RSPRY1: variants seen among roughly 807,000 people sequenced by gnomAD.
RSPRY1 encodes RING finger and SPRY domain-containing protein 1.
A neutral mutation model predicts 73.1 loss-of-function variants in RSPRY1; 23 were observed. The ratio of observed to expected loss-of-function variants is 0.31; its 90% CI spans 0.23 to 0.45. The LOEUF (loss-of-function observed/expected upper bound fraction) is 0.45. Among genes scored for constraint, RSPRY1 ranks in the 20% least tolerant of loss-of-function variants. The pLI is 1.00. For synonymous variants in RSPRY1, 226 were observed against 251.4 expected, an observed-to-expected ratio of 0.90 and a Z score of 0.95; for missense variants, 448 against 698.7, an observed-to-expected ratio of 0.64 and a Z score of 4.05.
chr16:57,210,834 T>G (rs1490108839), intron 4 of RSPRY1, among the ~76,000 whole-genome samples: 2 of 151,364 alleles, frequency 1.3e-5, no homozygotes, highest in Non-Finnish European at 1.5e-5. Flanking sequence ...CCTGGCAACA[T>G]GGTGAAACCC....
intron 11 of RSPRY1, 28 bp from the exon 12 acceptor site, chr16:57,230,683 C>A: frequency 8.0e-7 from 1 of 1,255,774 alleles, no homozygotes; most frequent in Non-Finnish European, 1.2e-6. Flanking sequence ...ACATCATTAT[C>A]CTAACAGTGT....
chr16:57,217,141 T>A, intron 8 of RSPRY1, 106 bp downstream of exon 8: 1 of 1,240,048 alleles, frequency 8.1e-7, no homozygotes, highest in Non-Finnish European at 1.2e-6. Context: ...TGAGTCCTCA[T>A]AAGGACCTCT....
intron 10 of RSPRY1, among the ~76,000 whole-genome samples, chr16:57,222,136 G>C (rs764405547): frequency 1.2e-4 from 18 of 151,260 alleles, no homozygotes; most frequent in Non-Finnish European, 2.4e-4. Context: ...AAGCCCCTTG[G>C]ATTATTTTGT....
rs1295570636 is a variant in RSPRY1, at chr16:57,205,038, TG to T, written c.350+32del. The T allele has an allele frequency of 1.0e-5, 16 of 1,545,532 alleles. No homozygotes were observed. The East Asian group carries it at 3.6e-4, about 35-fold the overall frequency. ...GTATCTGACTCACGGTCACCTCCAG[TG>T]GAATGAAAAGTGTTCTGCCCGGAAC... is the stretch of plus-strand genomic sequence containing the variant. On this transcript the variant is annotated intron_variant, in intron 2 of 14. Transcript: ENST00000394420.
At chr16:57,206,098 G>C (rs774522246) in intron 2 of RSPRY1, among the ~76,000 whole-genome samples, 1 of 152,162 alleles carries the variant, frequency 6.6e-6, no homozygotes, top group East Asian at 1.9e-4. Context: ...GCATTTGTTA[G>C]TCTTCGAGAA....
Position 57,204,516 on chromosome 16 carries a change from A to T in RSPRY1, c.-143A>T. ...CATTTTCTTTTAGAACTGCCATTGG[A>T]TGTCCAGAATCCCCTGTAGTTGATA... On this transcript the variant is annotated 5_prime_UTR_variant, in exon 2 of 15. It removes an upstream start codon present in the reference 5' UTR. Transcript: ENST00000394420. The T allele has an allele frequency of 5.7e-6, 4 of 703,358 alleles. No individual in the cohort carries two copies. The highest frequency in any genetic ancestry group is 9.7e-6 in the Non-Finnish European group (4 of 411,576). 43.6% of individuals were successfully genotyped at this position (703,358 alleles called of 1,614,324 possible).
chr16:57,195,079 T>C (rs1467081805), intron 1 of RSPRY1, among the ~76,000 whole-genome samples: 1 of 151,996 alleles, frequency 6.6e-6, no homozygotes, highest in Non-Finnish European at 1.5e-5. Context: ...ATAAATAATA[T>C]AGAAATGGAG....
rs2075029268 is a variant in RSPRY1, at chr16:57,221,220, TGGTGGTCTTCAG to T, written c.1018-50_1018-39del. On this transcript the variant is annotated intron_variant, in intron 9 of 14. Coordinates refer to ENST00000394420, the MANE Select transcript of RSPRY1 (RefSeq NM_133368.3). ...AACCTTCCCAGTAGTCAGTTATCTT[TGGTGGTCTTCAG>T]GCCCTCATAGTTGATTGACACATTT... 2.5e-6 allele frequency: 4 copies of T among 1,599,362 alleles called. No individual in the cohort carries two copies. In the Admixed American group the frequency reaches 5.2e-5, roughly 21 times the overall value.
At chr16:57,218,111 T>A (rs2074970283) in intron 8 of RSPRY1, among the ~76,000 whole-genome samples, 1 of 151,850 alleles carries the variant, frequency 6.6e-6, no homozygotes, top group Admixed American at 6.6e-5. Flanking sequence ...CTAACTTATT[T>A]GTTTGTTTAT....
Position 57,230,754 on chromosome 16 carries a change from G to A in RSPRY1, c.1317G>A (p.Met439Ile). ...GFLLDLNEKQ[M>I]IFFLNGNQLP... ...TGTTAGACTTGAATGAAAAGCAAAT[G>A]ATCTTCTTTTTAAATGGCAACCAGC... The change falls in exon 12 of 15, where the codon ATG becomes ATA. Residue 439 changes from methionine to isoleucine, a missense_variant. Transcript: ENST00000394420. The A allele has an allele frequency of 1.9e-6, 3 of 1,611,636 alleles. No homozygotes were observed. Among genetic ancestry groups the A allele is most frequent in the Non-Finnish European group, 2.5e-6 (3 of 1,178,572 alleles).
At chr16:57,189,394 G>A (rs2074311066) in intron 1 of RSPRY1, among the ~76,000 whole-genome samples, 1 of 151,612 alleles carries the variant, frequency 6.6e-6, no homozygotes, top group Non-Finnish European at 1.5e-5. Context: ...CATTTAGTAA[G>A]TATCAAAGGG....
Position 57,204,664 on chromosome 16 carries a change from C to T in RSPRY1, c.6C>T (p.Ile2=), listed in dbSNP as rs771324075. The T allele has an allele frequency of 3.3e-5, 53 of 1,612,748 alleles. No homozygotes were observed. The highest frequency in any genetic ancestry group is 4.1e-5 in the Non-Finnish European group (48 of 1,179,126). ...GAAAACTGAAAACTACCTAAATGAT[C>T]GTCTTTGGTTGGGCCGTGTTCTTAG... M[I]VFGWAVFLAS... Residue 2 remains isoleucine, a synonymous_variant, in exon 2 of 15, where the codon ATC becomes ATT. Coordinates refer to ENST00000394420, the MANE Select transcript of RSPRY1 (RefSeq NM_133368.3).
chr16:57,187,222 C>G (rs778422883), intron 1 of RSPRY1, among the ~76,000 whole-genome samples: 7 of 152,110 alleles, frequency 4.6e-5, no homozygotes, highest in Non-Finnish European at 1.0e-4. Context: ...GCTTATTGCC[C>G]GAGTGGGGTG....
chr16:57,239,163 C>G lies in RSPRY1; in HGVS notation c.*188C>G, dbSNP rs187302599. 747 of 346,288 alleles carry G rather than the reference C, an allele frequency of 2.2e-3. 3 individuals carry two copies. The highest frequency in any genetic ancestry group is 3.2e-3 in the Non-Finnish European group (599 of 190,154). 21.5% of individuals were successfully genotyped at this position (346,288 alleles called of 1,614,324 possible). On this transcript the variant is annotated 3_prime_UTR_variant, in exon 15 of 15. Transcript: ENST00000394420. The stretch of plus-strand genomic sequence containing the variant: ...TTAGAATCTAATCCAACTTGCCAGC[C>G]CTGAGAAAATCCCTTTTAAGGCCAA...
At position 57,220,790 on chromosome 16, in the gene RSPRY1, C is replaced by T. The variant is rs763021842; in HGVS notation, c.960C>T (p.Ala320=). ...YEKVNLSSIR[A]MLNSNDVSEY... is the part of the protein sequence containing the mutation. ...AAGTGAACTTGAGTAGCATTAGGGC[C>T]ATGCTGAATAGCAATGATGTCAGCG... Residue 320 remains alanine, a synonymous_variant, in exon 9 of 15, where the codon GCC becomes GCT. Coordinates refer to ENST00000394420, the MANE Select transcript of RSPRY1 (RefSeq NM_133368.3). 8.1e-6 allele frequency: 13 copies of T among 1,613,852 alleles called. No individual in the cohort carries two copies. In the African/African-American group the frequency reaches 1.7e-4, roughly 22 times the overall value.
chr16:57,204,679 C>T lies in RSPRY1; in HGVS notation c.21C>T (p.Ala7=), dbSNP rs540967927. 248 of 1,614,036 alleles carry T rather than the reference C, an allele frequency of 1.5e-4. No homozygotes were observed. The South Asian group carries it at 2.3e-3, about 15-fold the overall frequency. ...CCTAAATGATCGTCTTTGGTTGGGC[C>T]GTGTTCTTAGCGAGCAGAAGCCTTG... is the stretch of plus-strand genomic sequence containing the variant. The part of the protein sequence containing the change: MIVFGW[A]VFLASRSLGQ... The change falls in exon 2 of 15, where the codon GCC becomes GCT. Residue 7 remains alanine (A), a synonymous_variant. Coordinates refer to ENST00000394420, the MANE Select transcript of RSPRY1 (RefSeq NM_133368.3).
Position 57,221,275 on chromosome 16 carries a change from C to T in RSPRY1, c.1021C>T (p.Arg341Cys), listed in dbSNP as rs2075030966. 2 of 1,613,700 alleles carry T rather than the reference C, an allele frequency of 1.2e-6. No homozygotes were observed. Among genetic ancestry groups the T allele is most frequent in the South Asian group, 1.1e-5 (1 of 91,030 alleles). ...LKISPHGLEARCDASSFESVR... is the reference protein window; with the variant it reads ...LKISPHGLEACCDASSFESVR... Reference sequence around the variant, plus strand: ...ACACATTTTTTGGTTTTGCCAGGCTCGCTGTGATGCCTCCTCTTTTGAAAG... The same window carrying T: ...ACACATTTTTTGGTTTTGCCAGGCTTGCTGTGATGCCTCCTCTTTTGAAAG... The change falls in exon 10 of 15, where the codon CGC becomes TGC. Residue 341 changes from arginine (R) to cysteine (C), a missense_variant. Physicochemically the swap from Arg to Cys is radical, Grantham distance 180 (BLOSUM62 -3). Transcript: ENST00000394420.
chr16:57,230,942 G>C, intron 12 of RSPRY1, 129 bp downstream of exon 12: 1 of 704,306 alleles, frequency 1.4e-6, no homozygotes, highest in Non-Finnish European at 2.4e-6. Context: ...AAGTGATTGG[G>C]AACCCATTTG....
rs2074686479 is a variant in RSPRY1 at position 57,204,523 on chromosome 16, G to T, written c.-136G>T. Reference sequence around the variant, plus strand: ...TTTTAGAACTGCCATTGGATGTCCAGAATCCCCTGTAGTTGATAATGTTGG... The same window carrying T: ...TTTTAGAACTGCCATTGGATGTCCATAATCCCCTGTAGTTGATAATGTTGG... On this transcript the variant is annotated 5_prime_UTR_variant, in exon 2 of 15. Coordinates refer to ENST00000394420, the MANE Select transcript of RSPRY1 (RefSeq NM_133368.3). The T allele has an allele frequency of 1.3e-6, 1 of 744,574 alleles. No homozygotes were observed. The highest frequency in any genetic ancestry group is 1.7e-5 in the African/African-American group (1 of 57,414). The allele number at this position is 744,574 out of a possible 1,614,324, so 46.1% of individuals were successfully genotyped here. A position where few individuals can be genotyped will look rare whatever the true frequency, so the allele number is the denominator to read the frequency against.
Sources: allele counts gnomAD v4.1 joint callset (sites outside exome capture counted in the v4.1 genomes callset), GRCh38; gene constraint gnomAD v4.1.1; transcripts MANE v1.5; gene names NCBI Gene and HGNC (gene_info 2026-07-23, HGNC 2026-07-21).